Variants in BOP1 observed in about 807,000 individuals in gnomAD.
BOP1 encodes BOP1 ribosomal biogenesis factor.
Under a neutral mutation model 82.9 loss-of-function variants are expected in BOP1, and 54 were observed. The ratio of observed to expected loss-of-function variants is 0.65; its 90% CI spans 0.52 to 0.82. The LOEUF (loss-of-function observed/expected upper bound fraction) is 0.82, where lower values mean the gene tolerates loss of function less well. Among genes scored for constraint, BOP1 ranks in the 40% least tolerant of loss-of-function variants. The pLI, the probability that BOP1 is intolerant of heterozygous loss-of-function variation, is 0.00. For synonymous variants in BOP1, 566 were observed against 451.1 expected (o/e 1.25, Z -3.23); for missense variants, 1,170 against 1,072.0 (o/e 1.09, Z -1.28).
rs1554839795 is a variant in BOP1 at position 144,289,116 on chromosome 8, C to G, written c.288G>C (p.Lys96Asn). The G allele has an allele frequency of 6.2e-7, 1 of 1,614,190 alleles. No individual in the cohort carries two copies. Among genetic ancestry groups the G allele is most frequent in the Admixed American group, 1.7e-5 (1 of 60,030 alleles). Residue 96 changes from lysine (K) to asparagine (N), a missense_variant, in exon 2 of 16, where the codon AAG becomes AAC. Lys to Asn is a moderately conservative substitution (Grantham distance 94). Coordinates refer to ENST00000569669, the MANE Select transcript of BOP1 (RefSeq NM_015201.5). ...CCACCTGCACCTGCTCCTCAGTGGTCTTTTTAATCCCACTGTGGCCCTCGT... is the reference window on the plus strand; with the variant it reads ...CCACCTGCACCTGCTCCTCAGTGGTGTTTTTAATCCCACTGTGGCCCTCGT... The part of the protein sequence containing the change: ...LDDEGHSGIK[K>N]TTEEQVQAST...
intron 3 of BOP1, chr8:144,267,027 C>G (rs1845386882): frequency 6.6e-7 from 1 of 1,518,680 alleles, no homozygotes; most frequent in African/African-American, 1.4e-5. Flanking sequence ...AGGCCTGCGG[C>G]GACGGACAGC....
At chr8:144,276,015 C>A (rs1408892337) in intron 3 of BOP1, among the ~76,000 whole-genome samples, 8 of 152,222 alleles carry the variant, frequency 5.3e-5, no homozygotes, top group Admixed American at 5.2e-4. Context: ...TGATGACACA[C>A]ATACATTGCA....
At position 144,280,536 on chromosome 8, in the gene BOP1, G is replaced by A. The variant is rs369419472; in HGVS notation, c.310-4232C>T. ...TGCCCAAGAGTGTGCATTATGCTCC[G>A]GCACAGGCCAAACTCTCCTTAAATT... is the stretch of plus-strand genomic sequence containing the variant. On this transcript the variant is annotated intron_variant, in intron 2 of 15. Transcript: ENST00000569669. Among the ~76,000 whole-genome samples the A allele has an allele frequency of 2.0e-4, 31 of 152,372 alleles. No individual in the cohort carries two copies. The South Asian group carries it at 6.0e-3, about 29-fold the overall frequency.
At chr8:144,273,392 T>TCCAGACC (rs1339042255) in intron 3 of BOP1, among the ~76,000 whole-genome samples, 4,019 of 152,184 alleles carry the variant, frequency 0.026, 172 homozygotes, top group African/African-American at 0.091. Context: ...GACTCCAGAC[T>TCCAGACC]CCAGTGGAGG....
At chr8:144,278,102 G>A (rs977420903) in intron 2 of BOP1, among the ~76,000 whole-genome samples, 12 of 152,182 alleles carry the variant, frequency 7.9e-5, no homozygotes, top group Admixed American at 3.3e-4. Context: ...AGGAGGGGTC[G>A]GGCCCGATGG....
chr8:144,272,470 T>C (rs112780203), intron 3 of BOP1, among the ~76,000 whole-genome samples: 6,668 of 152,218 alleles, frequency 0.044, 494 homozygotes, highest in African/African-American at 0.15. Context: ...CGTCACCACC[T>C]GCCCAACAGA....
chr8:144,289,155 G>A lies in BOP1; in HGVS notation c.249C>T (p.Asp83=), dbSNP rs782561076. Residue 83 remains aspartate (D), a synonymous_variant, in exon 2 of 16, where the codon GAC becomes GAT. Coordinates refer to ENST00000569669, the MANE Select transcript of BOP1 (RefSeq NM_015201.5). ...TGTGGCCCTCGTCATCAAGGGCTCC[G>A]TCCTCTCCCTCCTCGTCGCCTTCGT... ...DDDEGDEEGE[D]GALDDEGHSG... The A allele has an allele frequency of 2.5e-5, 40 of 1,614,040 alleles. No individual in the cohort carries two copies. The highest frequency in any genetic ancestry group is 8.3e-5 in the Admixed American group (5 of 60,008).
chr8:144,276,285 C>G lies in BOP1; in HGVS notation c.329G>C (p.Arg110Thr). The part of the protein sequence containing the change: ...EQVQASTPCP[R>T]TEMASARIGD... The stretch of plus-strand genomic sequence containing the variant: ...AATCCGGGCGCTCGCCATCTCTGTC[C>G]TCGGGCAAGGAGTGCTGGCCTGCAG... The change falls in exon 3 of 16, where the codon AGG becomes ACG. Residue 110 changes from arginine (R) to threonine (T), a missense_variant. Coordinates refer to ENST00000569669, the MANE Select transcript of BOP1 (RefSeq NM_015201.5). The G allele has an allele frequency of 6.2e-7, 1 of 1,613,576 alleles. No homozygotes were observed. Among genetic ancestry groups the G allele is most frequent in the East Asian group, 2.2e-5 (1 of 44,886 alleles).
At chr8:144,266,518 G>A (rs1302041663) in intron 3 of BOP1, 4 of 989,290 alleles carry the variant, frequency 4.0e-6, no homozygotes, top group African/African-American at 1.8e-5. Flanking sequence ...CCGAGACCCC[G>A]CGCCTCGCCC....
At chr8:144,290,223 G>C (rs997871892) in intron 1 of BOP1, among the ~76,000 whole-genome samples, 1 of 151,892 alleles carries the variant, frequency 6.6e-6, no homozygotes, top group Non-Finnish European at 1.5e-5. Flanking sequence ...TGGTGGTGGC[G>C]GGCACCTCTA....
intron 3 of BOP1, among the ~76,000 whole-genome samples, chr8:144,271,811 C>T (rs1223901284): frequency 6.6e-6 from 1 of 152,180 alleles, no homozygotes; most frequent in African/African-American, 2.4e-5. Context: ...CCCTCAGCTC[C>T]GGCCCGGCTC....
At chr8:144,277,853 C>T (rs1478940780) in intron 2 of BOP1, among the ~76,000 whole-genome samples, 1 of 152,272 alleles carries the variant, frequency 6.6e-6, no homozygotes, top group African/African-American at 2.4e-5. Context: ...AACTGCCTGA[C>T]CTAGAAGGCC....
At position 144,291,401 on chromosome 8, in the gene BOP1, A is replaced by T. The variant is rs1815072172; in HGVS notation, c.-31T>A. ...ACCGCGCGCCGGCCGCCACCCGCAC[A>T]GCCGCTTCCGACAGCGACCGGGCCG... On this transcript the variant is annotated 5_prime_UTR_variant, in exon 1 of 16. Coordinates refer to ENST00000569669, the MANE Select transcript of BOP1 (RefSeq NM_015201.5). The surrounding 1 kb of genome is among the most constrained non-coding windows in gnomAD (Gnocchi z 4.1). 8.7e-7 allele frequency: 1 copy of T among 1,146,258 alleles called. No individual in the cohort carries two copies. The allele number at this position is 1,146,258 out of a possible 1,614,324, so 71.0% of individuals were successfully genotyped here. A position where few individuals can be genotyped will look rare whatever the true frequency, so the allele number is the denominator to read the frequency against.
intron 3 of BOP1, among the ~76,000 whole-genome samples, chr8:144,271,917 G>A (rs1333536715): frequency 6.6e-6 from 1 of 152,112 alleles, no homozygotes; most frequent in Non-Finnish European, 1.5e-5. Context: ...ACTGACCCAG[G>A]GGTCCTTGCA....
At position 144,263,070 on chromosome 8, in the gene BOP1, G is replaced by T; in HGVS notation, c.1677C>A (p.Thr559=). 6.3e-7 allele frequency: 1 copy of T among 1,588,400 alleles called. No homozygotes were observed. Among genetic ancestry groups the T allele is most frequent in the Admixed American group, 1.7e-5 (1 of 58,812 alleles). The change falls in exon 13 of 16, where the codon ACC becomes ACA. Residue 559 remains threonine, a synonymous_variant. Transcript: ENST00000569669. ...LAVVLATQGH[T]QVLIHQLSRR... ...GGCTCAGCTGGTGAATCAGCACCTG[G>T]GTGTGGCCTTGGGTGGCCAGCACCA...
At position 144,263,916 on chromosome 8, in the gene BOP1, G is replaced by A; in HGVS notation, c.1141-5C>T. On this transcript the variant is annotated splice_region_variant and splice_polypyrimidine_tract_variant and intron_variant, in intron 8 of 15. Transcript: ENST00000569669. ...GTCCTCAGGGTCTACATTCACCTGG[G>A]GCAGGAGAGCGCCAGGTCAGCCTTG... is the stretch of plus-strand genomic sequence containing the variant. The A allele has an allele frequency of 1.9e-6, 3 of 1,611,394 alleles. No homozygotes were observed. The highest frequency in any genetic ancestry group is 3.3e-5 in the Admixed American group (2 of 59,930).
At chr8:144,275,845 C>T (rs1375862193) in intron 3 of BOP1, among the ~76,000 whole-genome samples, 5 of 152,072 alleles carry the variant, frequency 3.3e-5, no homozygotes, top group African/African-American at 1.2e-4. Flanking sequence ...CACCCATGCC[C>T]GTGACCCCCA....
intron 2 of BOP1, among the ~76,000 whole-genome samples, chr8:144,277,805 G>GGCAGGGGCGGTGCA (rs1845591887): frequency 9.0e-5 from 5 of 55,742 alleles, no homozygotes; most frequent in Non-Finnish European, 2.1e-4. Flanking sequence ...GGGGCGGTGC[G>GGCAGGGGCGGTGCA]GGCAGGGGCG....
At chr8:144,290,597 C>G (rs1554840048) in intron 1 of BOP1, among the ~76,000 whole-genome samples, 1 of 152,240 alleles carries the variant, frequency 6.6e-6, no homozygotes, top group African/African-American at 2.4e-5. Flanking sequence ...GCGCAAACAA[C>G]TGGCTCCTGA....
Sources: allele counts gnomAD v4.1 joint callset (sites outside exome capture counted in the v4.1 genomes callset), GRCh38; gene constraint gnomAD v4.1.1; non-coding constraint Gnocchi (gnomAD v3.1); transcripts MANE v1.5; gene names NCBI Gene and HGNC (gene_info 2026-07-23, HGNC 2026-07-21).